CADM2: variants seen among roughly 807,000 people sequenced by gnomAD.
CADM2 encodes the protein cell adhesion molecule 2.
A neutral mutation model predicts 49.8 loss-of-function variants in CADM2; 12 were observed. That is an observed-to-expected ratio of 0.24 (90% confidence interval 0.15 to 0.39). CADM2 has a LOEUF of 0.39. Among genes scored for constraint, CADM2 ranks in the 10% least tolerant of loss-of-function variants. The probability of loss-of-function intolerance (pLI) is 1.00; values close to 1 mark genes in which losing one functional copy is unlikely to be tolerated. For synonymous variants in CADM2, 214 were observed against 175.4 expected (o/e 1.22, Z -1.74); for missense variants, 378 against 492.3 (o/e 0.77, Z 2.20).
chr3:84,983,221 T>C (rs997106916), intron 1 of CADM2, among the ~76,000 whole-genome samples: 1 of 152,148 alleles, frequency 6.6e-6, no homozygotes, highest in Non-Finnish European at 1.5e-5. Context: ...AAAATAGATA[T>C]AAAGTTTTTT....
chr3:85,032,470 T>A (rs920063931), intron 1 of CADM2, among the ~76,000 whole-genome samples: 2 of 152,178 alleles, frequency 1.3e-5, no homozygotes, highest in African/African-American at 4.8e-5. Flanking sequence ...ACTAAAATTA[T>A]GGGTCTTATT....
intron 1 of CADM2, among the ~76,000 whole-genome samples, chr3:85,340,230 T>C (rs1576376572): frequency 6.6e-6 from 1 of 151,510 alleles, no homozygotes; most frequent in Non-Finnish European, 1.5e-5. Context: ...TGAATTTTCA[T>C]TAACGAAATT....
At chr3:85,764,179 A>G (rs1026078082) in intron 2 of CADM2, among the ~76,000 whole-genome samples, 2 of 151,752 alleles carry the variant, frequency 1.3e-5, no homozygotes, top group African/African-American at 2.4e-5. Context: ...GTACTATATT[A>G]TAAGGATTTT....
At chr3:85,982,666 C>T (rs1397387571) in intron 8 of CADM2, among the ~76,000 whole-genome samples, 1 of 151,606 alleles carries the variant, frequency 6.6e-6, no homozygotes, top group African/African-American at 2.4e-5. Context: ...ATCAATTTTA[C>T]ACTGTATTCT....
intron 1 of CADM2, among the ~76,000 whole-genome samples, chr3:85,621,842 G>C (rs2063986701): frequency 6.6e-6 from 1 of 152,156 alleles, no homozygotes; most frequent in South Asian, 2.1e-4. Flanking sequence ...CTGATGTGCA[G>C]TGCCTATCTC....
At chr3:85,109,049 A>G (rs570906903) in intron 1 of CADM2, among the ~76,000 whole-genome samples, 1 of 152,048 alleles carries the variant, frequency 6.6e-6, no homozygotes, top group Admixed American at 6.6e-5. Flanking sequence ...AAGTTTATTT[A>G]TTACTTATTA....
At chr3:86,034,698 T>A (rs1397399494) in intron 8 of CADM2, among the ~76,000 whole-genome samples, 1 of 152,034 alleles carries the variant, frequency 6.6e-6, no homozygotes, top group Non-Finnish European at 1.5e-5. Flanking sequence ...GTGTTTTTAG[T>A]TTCCCAATGG....
chr3:85,453,128 A>G (rs2037827880), intron 1 of CADM2, among the ~76,000 whole-genome samples: 1 of 152,176 alleles, frequency 6.6e-6, no homozygotes, highest in Non-Finnish European at 1.5e-5. Context: ...CTTTATTAGC[A>G]TATATAAGTA....
intron 1 of CADM2, among the ~76,000 whole-genome samples, chr3:84,974,926 G>T (rs550263482): frequency 6.6e-6 from 1 of 151,752 alleles, no homozygotes; most frequent in Non-Finnish European, 1.5e-5. Context: ...TAACATTTTT[G>T]TACAGTTTGG....
intron 3 of CADM2, among the ~76,000 whole-genome samples, chr3:85,819,705 T>G (rs2073433548): frequency 6.6e-6 from 1 of 152,076 alleles, no homozygotes; most frequent in Non-Finnish European, 1.5e-5. Context: ...ATCATTACAG[T>G]TTGATGTTAT....
intron 1 of CADM2, among the ~76,000 whole-genome samples, chr3:85,617,618 C>G (rs1164267481): frequency 6.6e-6 from 1 of 152,146 alleles, no homozygotes; most frequent in Non-Finnish European, 1.5e-5. Context: ...AATCTTCAGC[C>G]TGCCCCCTTT....
At chr3:85,658,168 G>A (rs149740439) in intron 1 of CADM2, among the ~76,000 whole-genome samples, 164 of 151,838 alleles carry the variant, frequency 1.1e-3, no homozygotes, top group African/African-American at 3.2e-3. Flanking sequence ...AAGTACAGTG[G>A]GCATCTAATT....
chr3:85,245,368 C>T (rs2042622432), intron 1 of CADM2, among the ~76,000 whole-genome samples: 1 of 151,776 alleles, frequency 6.6e-6, no homozygotes, highest in Non-Finnish European at 1.5e-5. Flanking sequence ...AAAAATTAGC[C>T]GGGTGTGGTG....
At chr3:85,890,083 A>G (rs1714218242) in intron 5 of CADM2, among the ~76,000 whole-genome samples, 1 of 152,162 alleles carries the variant, frequency 6.6e-6, no homozygotes, top group South Asian at 2.1e-4. Flanking sequence ...GGACGTGCCC[A>G]AGAAAATAAC....
intron 5 of CADM2, among the ~76,000 whole-genome samples, chr3:85,888,038 C>T (rs1195800146): frequency 6.6e-6 from 1 of 152,200 alleles, no homozygotes; most frequent in African/African-American, 2.4e-5. Context: ...AAATGCACTT[C>T]TTAGATACAA....
intron 3 of CADM2, among the ~76,000 whole-genome samples, chr3:85,848,056 C>T (rs2074953433): frequency 6.6e-6 from 1 of 151,912 alleles, no homozygotes; most frequent in South Asian, 2.1e-4. Context: ...TTTTTATACT[C>T]ATAATTTTTT....
At chr3:85,489,986 C>A (rs141029458) in intron 1 of CADM2, among the ~76,000 whole-genome samples, 1 of 152,056 alleles carries the variant, frequency 6.6e-6, no homozygotes, top group Admixed American at 6.6e-5. Context: ...ATATTCATTA[C>A]TGAAATCCTA....
At chr3:85,522,621 T>C (rs1467500522) in intron 1 of CADM2, among the ~76,000 whole-genome samples, 1 of 152,082 alleles carries the variant, frequency 6.6e-6, no homozygotes, top group Non-Finnish European at 1.5e-5. Context: ...AGAACACATA[T>C]ATTAACTGTT....
chr3:85,236,122 G>A (rs1032701300), intron 1 of CADM2, among the ~76,000 whole-genome samples: 2 of 152,054 alleles, frequency 1.3e-5, no homozygotes, highest in Non-Finnish European at 2.9e-5. Context: ...GGCCAAAAAA[G>A]TACTTCTCAC....
Sources: gnomAD v4.1 joint callset for allele counts (sites outside exome capture counted in the v4.1 genomes callset) on GRCh38, gnomAD v4.1.1 for gene constraint, MANE v1.5 for transcripts, NCBI Gene and HGNC (gene_info 2026-07-23, HGNC 2026-07-21) for gene names.